The following SYT8 variants were observed in gnomAD, a reference collection of about 807,000 sequenced individuals.
The protein encoded by SYT8 is synaptotagmin-8.
A neutral mutation model predicts 34.9 loss-of-function variants in SYT8; 50 were observed. The observed-to-expected ratio is 1.43, with a 90% CI of 1.14 to 1.81. The LOEUF is 1.81. SYT8 is among the 40% of genes most tolerant of loss of function. The pLI is 0.00. For missense variants in SYT8, 595 were observed against 529.0 expected, an observed-to-expected ratio of 1.12 and a Z score of -1.22; for synonymous variants, 255 against 234.2, an observed-to-expected ratio of 1.09 and a Z score of -0.81.
chr11:1,835,960 G>A lies in SYT8; in HGVS notation c.333G>A (p.Leu111=). The A allele has an allele frequency of 3.1e-6, 5 of 1,606,192 alleles. No homozygotes were observed. Among genetic ancestry groups the A allele is most frequent in the Non-Finnish European group, 4.2e-6 (5 of 1,177,814 alleles). The change falls in exon 3 of 8, where the codon CTG becomes CTA. Residue 111 remains leucine (L), a synonymous_variant. Coordinates refer to ENST00000341958, the MANE Select transcript of SYT8 (RefSeq NM_001394072.1). ...AQQWGCLQLS[L]EFDFGSQEIR... is the part of the protein sequence containing the mutation. ...AATGGGGGTGCCTGCAGCTCTCCCT[G>A]GAGTTCGACTTTGGAAGCCAGGAGG...
chr11:1,834,523 A>G (rs1463882391), upstream of SYT8: 5 of 1,532,330 alleles, frequency 3.3e-6, no homozygotes, highest in Non-Finnish European at 4.4e-6. The surrounding 1 kb of genome is among the most constrained non-coding windows in gnomAD (Gnocchi z 4.5). Flanking sequence ...TCCCGCCATG[A>G]CCCTGCAGAC....
chr11:1,833,253 G>A (rs1351863048), upstream of SYT8, among the ~76,000 whole-genome samples: 1 of 152,152 alleles, frequency 6.6e-6, no homozygotes, highest in Non-Finnish European at 1.5e-5. Flanking sequence ...GGAGCTGAGG[G>A]GCTGCCGAGG....
At chr11:1,833,420 C>T (rs181545156), upstream of SYT8, among the ~76,000 whole-genome samples, 299 of 152,360 alleles carry the variant, frequency 2.0e-3, 2 homozygotes, top group African/African-American at 4.9e-3. Flanking sequence ...GGCCCCAGCA[C>T]GCATTAAACC....
Position 1,835,418 on chromosome 11 carries a change from G to A in SYT8, c.217G>A (p.Val73Met), listed in dbSNP as rs1412100455. ...HRKKPRDKES[V>M]GLGSARGTTT... ...GAAGAAGCCCAGGGACAAGGAGTCCGTGGGTCTGGGCAGTGCCCGCGGCAC... is the reference window on the plus strand; with the variant it reads ...GAAGAAGCCCAGGGACAAGGAGTCCATGGGTCTGGGCAGTGCCCGCGGCAC... Residue 73 changes from valine (V) to methionine (M), a missense_variant, in exon 2 of 8, where the codon GTG (valine) becomes ATG (methionine). Transcript: ENST00000341958. 27 of 1,609,462 alleles carry A rather than the reference G, an allele frequency of 1.7e-5. No individual in the cohort carries two copies. Among genetic ancestry groups the A allele is most frequent in the African/African-American group, 1.3e-4 (10 of 74,902 alleles).
rs1846828872 is a variant in SYT8 at position 1,835,118 on chromosome 11, C to G, written c.13C>G (p.Pro5Ala). MGHP[P>A]VSPSAPAPAG... Reference sequence around the variant, plus strand: ...GCAGGGTAGAAAGATGGGGCACCCACCAGTCTCTCCCAGTGCCCCGGCCCC... The same window carrying G: ...GCAGGGTAGAAAGATGGGGCACCCAGCAGTCTCTCCCAGTGCCCCGGCCCC... The change falls in exon 1 of 8, where the codon CCA (proline) becomes GCA (alanine). Residue 5 changes from proline to alanine, a missense_variant. Physicochemically the swap from Pro to Ala is conservative, Grantham distance 27. Coordinates refer to ENST00000341958, the MANE Select transcript of SYT8 (RefSeq NM_001394072.1). 1.9e-6 allele frequency: 3 copies of G among 1,613,250 alleles called. No individual in the cohort carries two copies. The highest frequency in any genetic ancestry group is 2.5e-6 in the Non-Finnish European group (3 of 1,179,882).
chr11:1,835,138 G>T lies in SYT8; in HGVS notation c.33G>T (p.Pro11=). 6.2e-7 allele frequency: 1 copy of T among 1,613,416 alleles called. No individual in the cohort carries two copies. Among genetic ancestry groups the T allele is most frequent in the Non-Finnish European group, 8.5e-7 (1 of 1,179,928 alleles). Residue 11 remains proline, a synonymous_variant, in exon 1 of 8, where the codon CCG becomes CCT. Transcript: ENST00000341958. ...ACCCACCAGTCTCTCCCAGTGCCCC[G>T]GCCCCAGCTGGCACCACAGCTATAC... The part of the protein sequence containing the change: MGHPPVSPSA[P]APAGTTAIPG...
upstream of SYT8, chr11:1,833,892 C>T (rs2133010023): frequency 6.5e-6 from 1 of 154,164 alleles, no homozygotes; most frequent in East Asian, 1.9e-4. Flanking sequence ...CCCTTTCTGT[C>T]TGTCTCCTTG....
intron 5 of SYT8, 35 bp from the exon 6 acceptor site, chr11:1,836,721 C>A: frequency 2.5e-6 from 4 of 1,601,366 alleles, no homozygotes; most frequent in Non-Finnish European, 3.4e-6. Context: ...GCCAGAATCA[C>A]CCTCCCGGGC....
Position 1,836,875 on chromosome 11 carries a change from C to G in SYT8, c.790+14C>G. ...CAGGACTTGCAGGTGAGGGTCACACCTGCCCACGTTGTTGTACAGAGGGGG... is the reference window on the plus strand; with the variant it reads ...CAGGACTTGCAGGTGAGGGTCACACGTGCCCACGTTGTTGTACAGAGGGGG... On this transcript the variant is annotated intron_variant, in intron 6 of 7. Transcript: ENST00000341958. 6.2e-7 allele frequency: 1 copy of G among 1,612,478 alleles called. No individual in the cohort carries two copies. Among genetic ancestry groups the G allele is most frequent in the Non-Finnish European group, 8.5e-7 (1 of 1,179,934 alleles).
chr11:1,834,333 A>G, upstream of SYT8: 1 of 549,198 alleles, frequency 1.8e-6, no homozygotes, highest in Non-Finnish European at 3.2e-6. The surrounding 1 kb of genome is among the most constrained non-coding windows in gnomAD (Gnocchi z 4.5). Flanking sequence ...CAGGTGGACG[A>G]GTCCAGGCAG....
At chr11:1,834,832 G>A, upstream of SYT8, 1 of 642,488 alleles carries the variant, frequency 1.6e-6, no homozygotes, top group Non-Finnish European at 2.7e-6. The surrounding 1 kb of genome is among the most constrained non-coding windows in gnomAD (Gnocchi z 4.5). Context: ...GGCCCTGCCT[G>A]CTTGGCTGGG....
In SYT8 at chr11:1,835,046, C is replaced by A. The variant is rs1233591231; in HGVS notation, c.-60C>A. On this transcript the variant is annotated 5_prime_UTR_variant, in exon 1 of 8. Transcript: ENST00000341958. ...GGGTAGCGGGCAGGGGCCGGAGGGG[C>A]CACCCTCCCAGCTGACCCAGCCTCC... is the stretch of plus-strand genomic sequence containing the variant. The A allele has an allele frequency of 1.9e-6, 3 of 1,552,994 alleles. No individual in the cohort carries two copies. The East Asian group carries it at 6.7e-5, about 35-fold the overall frequency.
At chr11:1,835,261 G>A (rs1846840102) in intron 1 of SYT8, 35 bp from the exon 2 acceptor site, 3 of 1,603,602 alleles carry the variant, frequency 1.9e-6, no homozygotes, top group Non-Finnish European at 2.6e-6. Flanking sequence ...GGCTGCAGCT[G>A]TCCACAGATG....
chr11:1,836,823 T>C lies in SYT8; in HGVS notation c.752T>C (p.Val251Ala). ...YVPSSGRLTV[V>A]VLEARGLRPG... is the part of the protein sequence containing the mutation. The stretch of plus-strand genomic sequence containing the variant: ...CCCAGCTCAGGCCGGCTGACCGTGG[T>C]GGTGCTGGAGGCTCGAGGCCTGCGT... The change falls in exon 6 of 8, where the codon GTG (valine) becomes GCG (alanine). Residue 251 changes from valine to alanine, a missense_variant. Transcript: ENST00000341958. The C allele has an allele frequency of 6.2e-7, 1 of 1,611,760 alleles. No individual in the cohort carries two copies. The highest frequency in any genetic ancestry group is 8.5e-7 in the Non-Finnish European group (1 of 1,179,982).
chr11:1,832,260 A>T (rs1046435142), upstream of SYT8, among the ~76,000 whole-genome samples: 5 of 152,138 alleles, frequency 3.3e-5, no homozygotes, highest in Admixed American at 3.3e-4. Flanking sequence ...AGGCCTTCTA[A>T]GCAGCTTGGC....
upstream of SYT8, chr11:1,831,839 C>T (rs997803575): frequency 2.4e-5 from 11 of 449,432 alleles, no homozygotes; most frequent in Non-Finnish European, 4.1e-5. Context: ...GACCCGCCTT[C>T]GGGTGTCTGA....
chr11:1,832,127 C>A (rs976469916), upstream of SYT8, among the ~76,000 whole-genome samples: 1 of 152,146 alleles, frequency 6.6e-6, no homozygotes, highest in Non-Finnish European at 1.5e-5. Context: ...GGGGCCCTAA[C>A]GGGGTGGAAT....
At chr11:1,832,315 G>A (rs745940098), upstream of SYT8, among the ~76,000 whole-genome samples, 2 of 152,204 alleles carry the variant, frequency 1.3e-5, no homozygotes, top group African/African-American at 4.8e-5. Context: ...GAGAGGAGCC[G>A]GTTTCCAGAG....
In SYT8 at chr11:1,835,901, G is replaced by A; in HGVS notation, c.274G>A (p.Asp92Asn). 5 of 1,611,816 alleles carry A rather than the reference G, an allele frequency of 3.1e-6. No homozygotes were observed. Among genetic ancestry groups the A allele is most frequent in the Non-Finnish European group, 4.2e-6 (5 of 1,179,398 alleles). ...TTTHLVQPDV[D>N]GLESSPGDAQ... ...CTCACTCCAGGTGCAACCTGATGTG[G>A]ATGGCCTGGAGTCCAGCCCGGGGGA... The change falls in exon 3 of 8, where the codon GAT becomes AAT. Residue 92 changes from aspartate to asparagine, a missense_variant. Physicochemically the swap from Asp to Asn is conservative, Grantham distance 23. Coordinates refer to ENST00000341958, the MANE Select transcript of SYT8 (RefSeq NM_001394072.1).
Sources: allele counts gnomAD v4.1 joint callset (sites outside exome capture counted in the v4.1 genomes callset), GRCh38; gene constraint gnomAD v4.1.1; non-coding constraint Gnocchi (gnomAD v3.1); transcripts MANE v1.5; gene names NCBI Gene and HGNC (gene_info 2026-07-23, HGNC 2026-07-21).